DOC2A: variants seen among roughly 807,000 people sequenced by gnomAD.
The protein encoded by DOC2A is double C2 domain alpha.
A neutral mutation model predicts 40.6 loss-of-function variants in DOC2A; 28 were observed. The ratio of observed to expected loss-of-function variants is 0.69; its 90% CI spans 0.51 to 0.95. The LOEUF (loss-of-function observed/expected upper bound fraction) is 0.95. Ranked by LOEUF, DOC2A falls within the 40% of genes least tolerant of loss-of-function variation. The pLI is 0.00. For missense variants in DOC2A, 474 were observed against 552.5 expected (o/e 0.86, Z 1.42); for synonymous variants, 241 against 236.9 (o/e 1.02, Z -0.16).
Position 30,010,245 on chromosome 16 carries a change from G to A in DOC2A, c.-13-10C>T, listed in dbSNP as rs1471079236. The A allele has an allele frequency of 6.2e-7, 1 of 1,612,554 alleles. No homozygotes were observed. The highest frequency in any genetic ancestry group is 8.5e-7 in the Non-Finnish European group (1 of 1,179,946). On this transcript the variant is annotated splice_polypyrimidine_tract_variant and intron_variant, in intron 1 of 10. Transcript: ENST00000350119. This position sits in a 1 kb window ranked among gnomAD's most constrained non-coding sequence, Gnocchi z 4.2. ...CATGCAGCACCCCTGGCTAGGAGAG[G>A]GCGTGTGAGCCAGTGAGCCCATCAT...
chr16:30,007,086 G>A lies in DOC2A; in HGVS notation c.659C>T (p.Ala220Val), dbSNP rs1390800519. The A allele has an allele frequency of 3.7e-6, 6 of 1,613,906 alleles. No individual in the cohort carries two copies. The highest frequency in any genetic ancestry group is 2.2e-5 in the East Asian group (1 of 44,856). The change falls in exon 7 of 11, where the codon GCG becomes GTG. Residue 220 changes from alanine (A) to valine (V), a missense_variant. Physicochemically the swap from Ala to Val is moderately conservative, Grantham distance 64. Coordinates refer to ENST00000350119, the MANE Select transcript of DOC2A (RefSeq NM_003586.3). ...CGCCGCTGACATGGAAGAGGGGGAC[G>A]CCAGCTGAGGGGGCAAAGAGAAGGT... Reference protein sequence around the residue: ...NICLERQVPLASPSSMSAALR... With the variant: ...NICLERQVPLVSPSSMSAALR...
chr16:30,017,278 CAAAAAAAAAAAAAAA>C (rs1382323074), upstream of DOC2A, among the ~76,000 whole-genome samples: 2 of 125,020 alleles, frequency 1.6e-5, no homozygotes, highest in African/African-American at 5.9e-5. Context: ...GACCCTGTCT[CAAAAAAAAAAAAAAA>C]GAGAAAAAGA....
At chr16:30,013,603 C>CAAAAAAAAAAAAAAAAAAAAAA (rs61309249), upstream of DOC2A, 2 of 34,886 alleles carry the variant, frequency 5.7e-5, no homozygotes, top group African/African-American at 1.0e-4. Context: ...GACCCTGTCT[C>CAAAAAAAAAAAAAAAAAAAAAA]AAAAAAAAAA....
intron 1 of DOC2A, among the ~76,000 whole-genome samples, chr16:30,019,191 G>T (rs2070887716): frequency 6.6e-6 from 1 of 152,272 alleles, no homozygotes; most frequent in South Asian, 2.1e-4. Context: ...GGTGGTGGGT[G>T]CCTGTAATCC....
upstream of DOC2A, among the ~76,000 whole-genome samples, chr16:30,014,696 T>C (rs144673283): frequency 6.7e-6 from 1 of 149,678 alleles, no homozygotes; most frequent in African/African-American, 2.5e-5. Flanking sequence ...TCCCCGCAAT[T>C]TGGGAGGCCG....
chr16:30,006,758 G>A lies in DOC2A; in HGVS notation c.878+27C>T, dbSNP rs2070611356. On this transcript the variant is annotated intron_variant, in intron 8 of 10. Transcript: ENST00000350119. The surrounding 1 kb of genome is among the most constrained non-coding windows in gnomAD (Gnocchi z 6.2). ...CTCAGGCCAGGGCAGGCTCCCTGGGGAGGAGAGGGTCAGAGCAAGGGCTCA... is the reference window on the plus strand; with the variant it reads ...CTCAGGCCAGGGCAGGCTCCCTGGGAAGGAGAGGGTCAGAGCAAGGGCTCA... 2 of 1,613,816 alleles carry A rather than the reference G, an allele frequency of 1.2e-6. No homozygotes were observed. The highest frequency in any genetic ancestry group is 1.7e-5 in the Admixed American group (1 of 59,990).
chr16:30,020,474 G>A (rs1017592804), intron 1 of DOC2A, among the ~76,000 whole-genome samples: 2 of 152,110 alleles, frequency 1.3e-5, no homozygotes, highest in African/African-American at 4.8e-5. Flanking sequence ...TGGGAGGCCA[G>A]GGTGGGAGAA....
At chr16:30,012,375 T>C (rs1244200269), upstream of DOC2A, 1 of 152,144 alleles carries the variant, frequency 6.6e-6, no homozygotes, top group Admixed American at 6.5e-5. Flanking sequence ...CTGATTCATC[T>C]GGGAGTCCCT....
Position 30,009,211 on chromosome 16 carries a change from T to C in DOC2A, c.408A>G (p.Gly136=). 6.3e-7 allele frequency: 1 copy of C among 1,592,416 alleles called. No individual in the cohort carries two copies. Residue 136 remains glycine, a synonymous_variant, in exon 4 of 11, where the codon GGA becomes GGG. Coordinates refer to ENST00000350119, the MANE Select transcript of DOC2A (RefSeq NM_003586.3). This position sits in a 1 kb window ranked among gnomAD's most constrained non-coding sequence, Gnocchi z 4.1. ...DPYVKLHLLP[G]ACKANKLKTK... is the part of the protein sequence containing the mutation. ...GAGAGGAGGCTGTTACCTTACAGGC[T>C]CCAGGCAGCAAGTGCAGCTTGACGT...
At chr16:30,011,930 C>T (rs996765958), upstream of DOC2A, among the ~76,000 whole-genome samples, 1 of 152,116 alleles carries the variant, frequency 6.6e-6, no homozygotes, top group Non-Finnish European at 1.5e-5. Flanking sequence ...GGTCTCAGAG[C>T]CCTGCGGTAG....
chr16:30,008,771 G>C (rs2070692088), intron 5 of DOC2A: 14 of 515,374 alleles, frequency 2.7e-5, no homozygotes, highest in Non-Finnish European at 4.6e-5. Context: ...CTCCCAAAGT[G>C]CTGGGATTAC....
chr16:30,016,041 ATATATATATATATATTTTT>A (rs1479889816), upstream of DOC2A, among the ~76,000 whole-genome samples: 7 of 39,698 alleles, frequency 1.8e-4, no homozygotes, highest in Non-Finnish European at 2.8e-4. Flanking sequence ...ATATATATAT[ATATATATATATATATTTTT>A]TTTTTTTTTT....
chr16:30,020,333 G>A (rs993295195), intron 1 of DOC2A, among the ~76,000 whole-genome samples: 4 of 151,968 alleles, frequency 2.6e-5, no homozygotes, highest in African/African-American at 7.2e-5. Context: ...TGTGAGCACC[G>A]CGCCTGGCCC....
rs752519763 is a variant in DOC2A, at chr16:30,007,176, G to A, written c.651C>T (p.Val217=). ...KHFNICLERQ[V]PLASPSSMSA... is the part of the protein sequence containing the mutation. ...CCCCTGCAGCCCCCACACAGACCGG[G>A]ACCTGGCGCTCGAGGCAGATGTTAA... Residue 217 remains valine, a synonymous_variant, in exon 6 of 11, where the codon GTC becomes GTT. Coordinates refer to ENST00000350119, the MANE Select transcript of DOC2A (RefSeq NM_003586.3). 5 of 1,614,018 alleles carry A rather than the reference G, an allele frequency of 3.1e-6. No homozygotes were observed. The highest frequency in any genetic ancestry group is 2.2e-5 in the East Asian group (1 of 44,874).
At position 30,005,520 on chromosome 16, in the gene DOC2A, G is replaced by A. The variant is rs1351174559; in HGVS notation, c.*666C>T. On this transcript the variant is annotated 3_prime_UTR_variant, in exon 11 of 11. Coordinates refer to ENST00000350119, the MANE Select transcript of DOC2A (RefSeq NM_003586.3). ...CAGCACACACGAGTCCAGCTTCCTC[G>A]GAGGTGTTTATTGATGCCCAGCTGC... The A allele has an allele frequency of 1.0e-5, 14 of 1,378,030 alleles. No homozygotes were observed. The highest frequency in any genetic ancestry group is 4.4e-5 in the African/African-American group (3 of 68,924). The allele number at this position is 1,378,030 out of a possible 1,614,324, so 85.4% of individuals were successfully genotyped here.
Position 30,010,135 on chromosome 16 carries a change from G to A in DOC2A, c.88C>T (p.Arg30Cys), listed in dbSNP as rs763558398. 8.1e-6 allele frequency: 13 copies of A among 1,613,740 alleles called. No individual in the cohort carries two copies. The highest frequency in any genetic ancestry group is 2.7e-5 in the African/African-American group (2 of 74,928). Residue 30 changes from arginine to cysteine, a missense_variant, in exon 2 of 11, where the codon CGC (arginine) becomes TGC (cysteine). Transcript: ENST00000350119. This position sits in a 1 kb window ranked among gnomAD's most constrained non-coding sequence, Gnocchi z 4.2. ...CGGGGGAAGTAGTCAGAGATCTGGC[G>A]GATGGGCCGGATGGGCCCGGGGCAC... is the stretch of plus-strand genomic sequence containing the variant. ...NVCPGPIRPI[R>C]QISDYFPRGP...
In DOC2A at chr16:30,005,903, G is replaced by A. The variant is rs2070566672; in HGVS notation, c.*283C>T. On this transcript the variant is annotated 3_prime_UTR_variant, in exon 11 of 11. Transcript: ENST00000350119. ...GGGCAGCGTGGAGAGGCAGGAGTGA[G>A]GAGCGCGGGGGCCTGGGGCCGGGCT... 4 of 522,178 alleles carry A rather than the reference G, an allele frequency of 7.7e-6. No individual in the cohort carries two copies. Among genetic ancestry groups the A allele is most frequent in the Non-Finnish European group, 1.4e-5 (4 of 293,662 alleles). 32.3% of individuals were successfully genotyped at this position (522,178 alleles called of 1,614,324 possible).
At position 30,006,571 on chromosome 16, in the gene DOC2A, C is replaced by G. The variant is rs376156461; in HGVS notation, c.960+25G>C. On this transcript the variant is annotated intron_variant, in intron 9 of 10. Coordinates refer to ENST00000350119, the MANE Select transcript of DOC2A (RefSeq NM_003586.3). The surrounding 1 kb of genome is among the most constrained non-coding windows in gnomAD (Gnocchi z 6.2). ...TCCCCAGCCCCTCCCTGGCCTCCCT[C>G]CATGTCCCGTCCCCTCCTGGGTACC... is the stretch of plus-strand genomic sequence containing the variant. 3 of 1,613,548 alleles carry G rather than the reference C, an allele frequency of 1.9e-6. No individual in the cohort carries two copies. Among genetic ancestry groups the G allele is most frequent in the Non-Finnish European group, 2.5e-6 (3 of 1,179,770 alleles).
chr16:30,012,872 G>A (rs1396999462), upstream of DOC2A, among the ~76,000 whole-genome samples: 2 of 151,122 alleles, frequency 1.3e-5, no homozygotes, highest in African/African-American at 4.9e-5. Context: ...CGGGCGTGGT[G>A]GTATGTGTCT....
Sources: gnomAD v4.1 joint callset for allele counts (sites outside exome capture counted in the v4.1 genomes callset) on GRCh38, gnomAD v4.1.1 for gene constraint, Gnocchi (gnomAD v3.1) non-coding constraint, MANE v1.5 for transcripts, NCBI Gene and HGNC (gene_info 2026-07-23, HGNC 2026-07-21) for gene names.